PLS1: variants seen among roughly 807,000 people sequenced by gnomAD.
The protein encoded by PLS1 is plastin 1.
PLS1 carries 32 observed loss-of-function variants against 73.7 expected under a neutral mutation model. The ratio of observed to expected loss-of-function variants is 0.43; its 90% CI spans 0.33 to 0.58. PLS1 has a LOEUF of 0.58. Ranked by LOEUF, PLS1 falls within the 20% of genes least tolerant of loss-of-function variation. The pLI, the probability that PLS1 is intolerant of heterozygous loss-of-function variation, is 0.04. For missense variants in PLS1, 633 were observed against 740.5 expected, an observed-to-expected ratio of 0.85 and a Z score of 1.68; for synonymous variants, 217 against 261.3, an observed-to-expected ratio of 0.83 and a Z score of 1.63.
intron 3 of PLS1, 118 bp downstream of exon 3, chr3:142,669,671 AATGATG>A (rs3836386): frequency 2.2e-4 from 113 of 523,090 alleles, no homozygotes; most frequent in South Asian, 2.4e-4. Context: ...ACTGCTTTAA[AATGATG>A]ATGATGATGA....
chr3:142,677,805 T>A (rs1403871858), intron 5 of PLS1, among the ~76,000 whole-genome samples: 7 of 152,144 alleles, frequency 4.6e-5, no homozygotes, highest in Non-Finnish European at 1.0e-4. Context: ...TATTATTATT[T>A]TTTGAGATGA....
intron 1 of PLS1, among the ~76,000 whole-genome samples, chr3:142,610,393 G>T (rs1412127783): frequency 6.6e-6 from 1 of 152,108 alleles, no homozygotes; most frequent in Non-Finnish European, 1.5e-5. Flanking sequence ...TGTCTAACTA[G>T]CACAGAGTAC....
At chr3:142,635,851 C>A (rs779283817) in intron 1 of PLS1, among the ~76,000 whole-genome samples, 1 of 151,936 alleles carries the variant, frequency 6.6e-6, no homozygotes, top group Non-Finnish European at 1.5e-5. Context: ...ATTTCTAGAG[C>A]TTTTTGTTTG....
At chr3:142,612,065 AT>A (rs1207561350) in intron 1 of PLS1, among the ~76,000 whole-genome samples, 1 of 152,212 alleles carries the variant, frequency 6.6e-6, no homozygotes, top group African/African-American at 2.4e-5. Context: ...TCATTAGGCC[AT>A]TTTTTTATTA....
intron 1 of PLS1, among the ~76,000 whole-genome samples, chr3:142,630,120 A>T: frequency 6.6e-6 from 1 of 151,842 alleles, no homozygotes; most frequent in Admixed American, 6.6e-5. Context: ...ACAGAAACAG[A>T]AAAAAAAATT....
intron 5 of PLS1, 55 bp downstream of exon 5, chr3:142,676,344 C>T: frequency 6.5e-7 from 1 of 1,544,874 alleles, no homozygotes; most frequent in East Asian, 2.3e-5. Flanking sequence ...CATTGATGAG[C>T]ATTCCATGAA....
chr3:142,653,637 TA>T (rs1190606317), intron 1 of PLS1, among the ~76,000 whole-genome samples: 1 of 152,214 alleles, frequency 6.6e-6, no homozygotes, highest in Non-Finnish European at 1.5e-5. Context: ...GTGCTGGGAT[TA>T]CACGTGTGAG....
chr3:142,677,909 C>T (rs1244880396), intron 5 of PLS1, 123 bp from the exon 6 acceptor site: 2 of 491,838 alleles, frequency 4.1e-6, no homozygotes, highest in Non-Finnish European at 7.2e-6. Context: ...GCCTGGCTTA[C>T]TGTTTAATAT....
chr3:142,639,098 T>C (rs1377647252), intron 1 of PLS1, among the ~76,000 whole-genome samples: 4 of 152,172 alleles, frequency 2.6e-5, no homozygotes, highest in Non-Finnish European at 5.9e-5. Context: ...AATAGAAGAC[T>C]TCCTTAGGGT....
intron 1 of PLS1, among the ~76,000 whole-genome samples, chr3:142,649,573 G>A (rs1324857967): frequency 6.6e-6 from 1 of 151,964 alleles, no homozygotes; most frequent in Admixed American, 6.5e-5. Context: ...GGGAGATGGA[G>A]CTTGCAGTGA....
intron 6 of PLS1, among the ~76,000 whole-genome samples, chr3:142,683,715 G>A (rs1332204008): frequency 6.6e-6 from 1 of 152,142 alleles, no homozygotes; most frequent in Non-Finnish European, 1.5e-5. Context: ...TGTTGAGTTT[G>A]AGGTATTGGC....
intron 9 of PLS1, among the ~76,000 whole-genome samples, chr3:142,687,848 T>A (rs1481775875): frequency 3.9e-5 from 6 of 152,308 alleles, no homozygotes; most frequent in African/African-American, 1.4e-4. Context: ...TCAAAATATC[T>A]AGTCAATGTT....
At chr3:142,711,701 C>T (rs1286019958) in intron 15 of PLS1, 76 bp downstream of exon 15, 4 of 1,344,676 alleles carry the variant, frequency 3.0e-6, no homozygotes, top group African/African-American at 3.0e-5. Flanking sequence ...GTTACTATGC[C>T]CTTAAAATTC....
intron 1 of PLS1, among the ~76,000 whole-genome samples, chr3:142,612,721 C>CA (rs1447818624): frequency 1.4e-5 from 2 of 140,104 alleles, no homozygotes; most frequent in East Asian, 2.0e-4. Context: ...GACCCTGTCT[C>CA]AAAAAAAGAA....
At chr3:142,637,624 A>G (rs1032754873) in intron 1 of PLS1, among the ~76,000 whole-genome samples, 1 of 152,214 alleles carries the variant, frequency 6.6e-6, no homozygotes, top group Admixed American at 6.5e-5. Flanking sequence ...ACAATGTAAT[A>G]TTCAAAGGTG....
chr3:142,689,857 T>TATATATATA, intron 10 of PLS1, 44 bp downstream of exon 10: 2 of 1,256,220 alleles, frequency 1.6e-6, no homozygotes, highest in Non-Finnish European at 2.2e-6. Context: ...ATTTATCTTC[T>TATATATATA]TATGGTATTG....
At chr3:142,600,582 G>A (rs1469257971) in intron 1 of PLS1, among the ~76,000 whole-genome samples, 1 of 152,032 alleles carries the variant, frequency 6.6e-6, no homozygotes, top group African/African-American at 2.4e-5. Context: ...CAGTTCAAGA[G>A]GTGGTTTGGA....
intron 1 of PLS1, among the ~76,000 whole-genome samples, chr3:142,648,316 C>A (rs1037979271): frequency 1.3e-5 from 2 of 151,664 alleles, no homozygotes; most frequent in Admixed American, 1.3e-4. Context: ...AAAGAGGAGG[C>A]CTTTTTCAGG....
chr3:142,599,244 G>A (rs541172507), intron 1 of PLS1, among the ~76,000 whole-genome samples: 83 of 151,444 alleles, frequency 5.5e-4, no homozygotes, highest in Non-Finnish European at 9.0e-4. Context: ...GGGAGGGTGG[G>A]CATTTAGGAT....
Sources: gnomAD v4.1 joint callset for allele counts (sites outside exome capture counted in the v4.1 genomes callset) on GRCh38, gnomAD v4.1.1 for gene constraint, MANE v1.5 for transcripts, NCBI Gene and HGNC (gene_info 2026-07-23, HGNC 2026-07-21) for gene names.